FBXO16: variants seen among roughly 807,000 people sequenced by gnomAD.
FBXO16 encodes F-box only protein 16.
Under a neutral mutation model 41.0 loss-of-function variants are expected in FBXO16, and 31 were observed. The ratio of observed to expected loss-of-function variants is 0.76; its 90% CI spans 0.57 to 1.02. The LOEUF is 1.02. FBXO16 is among the 50% of genes least tolerant of loss of function. The pLI is 0.00. For synonymous variants in FBXO16, 133 were observed against 117.8 expected (o/e 1.13, Z -0.84); for missense variants, 361 against 346.2 (o/e 1.04, Z -0.34).
chr8:28,456,617 A>C, intron 5 of FBXO16, 149 bp downstream of exon 5: 3 of 903,774 alleles, frequency 3.3e-6, no homozygotes, highest in Non-Finnish European at 5.0e-6. Context: ...ACAACTATCA[A>C]GTCTCAGAAA....
chr8:28,464,263 C>T (rs1257599999), intron 3 of FBXO16, among the ~76,000 whole-genome samples: 2 of 152,294 alleles, frequency 1.3e-5, no homozygotes, highest in East Asian at 3.9e-4. Flanking sequence ...AAATATCCCT[C>T]AGAAGGAAAG....
intron 7 of FBXO16, among the ~76,000 whole-genome samples, chr8:28,445,708 T>C (rs1802852830): frequency 1.3e-5 from 2 of 152,216 alleles, no homozygotes; most frequent in African/African-American, 4.8e-5. Context: ...CCCTACAGAA[T>C]TCAGATGGCC....
intron 4 of FBXO16, among the ~76,000 whole-genome samples, chr8:28,460,767 G>A (rs1389861685): frequency 6.6e-6 from 1 of 151,932 alleles, no homozygotes; most frequent in Non-Finnish European, 1.5e-5. Flanking sequence ...ACAGGGTCTT[G>A]CTATGTTCCC....
At chr8:28,449,740 G>A (rs534596101) in intron 6 of FBXO16, among the ~76,000 whole-genome samples, 3 of 152,096 alleles carry the variant, frequency 2.0e-5, no homozygotes, top group African/African-American at 4.8e-5. Flanking sequence ...TTGGGAGGCT[G>A]AGGTGTGAGG....
chr8:28,452,424 T>C lies in FBXO16; in HGVS notation c.560A>G (p.Asn187Ser). The part of the protein sequence containing the change: ...VIADVQLVTS[N>S]SPEEKQSPLS... Reference sequence around the variant, plus strand: ...AGGGGACTGTTTTTCCTCTGGAGAATTGCTTGTAACTAGTTGAACGTCAGC... The same window carrying C: ...AGGGGACTGTTTTTCCTCTGGAGAACTGCTTGTAACTAGTTGAACGTCAGC... Residue 187 changes from asparagine to serine, a missense_variant, in exon 6 of 9, where the codon AAT (asparagine) becomes AGT (serine). Transcript: ENST00000380254. The C allele has an allele frequency of 1.2e-6, 2 of 1,614,210 alleles. No individual in the cohort carries two copies. The highest frequency in any genetic ancestry group is 1.7e-6 in the Non-Finnish European group (2 of 1,180,046).
intron 3 of FBXO16, 128 bp from the exon 4 acceptor site, chr8:28,463,946 C>T: frequency 2.2e-6 from 2 of 899,070 alleles, no homozygotes; most frequent in Non-Finnish European, 3.3e-6. Flanking sequence ...ATTTATTTCC[C>T]TAATCAGCAA....
chr8:28,442,807 G>A (rs544823841), intron 7 of FBXO16, among the ~76,000 whole-genome samples: 9 of 152,096 alleles, frequency 5.9e-5, no homozygotes, highest in Admixed American at 2.0e-4. Flanking sequence ...TCAAGGTGGC[G>A]GGTTTTGAAA....
intron 6 of FBXO16, among the ~76,000 whole-genome samples, chr8:28,449,980 G>GAAAAAAAAAAAAAAAAA (rs1278726556): frequency 1.2e-5 from 1 of 82,408 alleles, no homozygotes; most frequent in African/African-American, 4.3e-5. Context: ...AAAAAAAAAA[G>GAAAAAAAAAAAAAAAAA]AAAAAAAAAA....
chr8:28,482,623 T>A (rs1234335439), intron 2 of FBXO16, among the ~76,000 whole-genome samples: 3 of 151,988 alleles, frequency 2.0e-5, no homozygotes, highest in Non-Finnish European at 2.9e-5. Flanking sequence ...CAAGCGGGAG[T>A]GCAATGGTGT....
chr8:28,436,520 G>C (rs113970578), intron 7 of FBXO16, among the ~76,000 whole-genome samples: 1 of 152,064 alleles, frequency 6.6e-6, no homozygotes, highest in Non-Finnish European at 1.5e-5. Context: ...TAAGCAACTC[G>C]AGCCAGGGTT....
intron 3 of FBXO16, among the ~76,000 whole-genome samples, chr8:28,467,479 T>C (rs1215702605): frequency 1.3e-5 from 2 of 152,222 alleles, no homozygotes; most frequent in Non-Finnish European, 2.9e-5. Context: ...CAATAATATA[T>C]GTATAAAATT....
chr8:28,456,208 AAT>A (rs1195478694), intron 5 of FBXO16, among the ~76,000 whole-genome samples: 1 of 152,042 alleles, frequency 6.6e-6, no homozygotes, highest in African/African-American at 2.4e-5. Context: ...AGAAAAAAAA[AAT>A]TCTTGCATTA....
chr8:28,438,252 G>A (rs1211532691), intron 7 of FBXO16, among the ~76,000 whole-genome samples: 2 of 152,168 alleles, frequency 1.3e-5, no homozygotes, highest in East Asian at 3.9e-4. Context: ...AGAGGCAGAG[G>A]CTGCAGTGAC....
At chr8:28,439,837 C>T (rs1424670226) in intron 7 of FBXO16, among the ~76,000 whole-genome samples, 2 of 131,510 alleles carry the variant, frequency 1.5e-5, no homozygotes, top group African/African-American at 6.0e-5. Flanking sequence ...AGATTGCCTG[C>T]AAGGAAGCTT....
At chr8:28,484,801 G>A (rs185851691) in intron 1 of FBXO16, among the ~76,000 whole-genome samples, 120 of 152,224 alleles carry the variant, frequency 7.9e-4, no homozygotes, top group African/African-American at 2.6e-3. Context: ...CACCGTGTTA[G>A]CCAGGATGGT....
chr8:28,429,315 T>C lies in FBXO16; in HGVS notation c.869+63A>G, dbSNP rs1027385059. ...ATAATTTACACTCTCCATTAATCAATACATGCACACGATCTCTCTAAAAAG... is the reference window on the plus strand; with the variant it reads ...ATAATTTACACTCTCCATTAATCAACACATGCACACGATCTCTCTAAAAAG... On this transcript the variant is annotated intron_variant, in intron 8 of 8. Transcript: ENST00000380254. 7 of 1,560,998 alleles carry C rather than the reference T, an allele frequency of 4.5e-6. No homozygotes were observed. The Admixed American group carries it at 1.2e-4, about 26-fold the overall frequency.
chr8:28,481,461 A>G (rs999367147), intron 2 of FBXO16, among the ~76,000 whole-genome samples: 9 of 152,100 alleles, frequency 5.9e-5, no homozygotes, highest in Non-Finnish European at 1.3e-4. Flanking sequence ...GTTGGTAGAC[A>G]CTTCTCTGTG....
Position 28,428,548 on chromosome 8 carries a change from A to G in FBXO16, c.*179T>C, listed in dbSNP as rs1441759227. The G allele has an allele frequency of 2.6e-6, 4 of 1,544,448 alleles. No individual in the cohort carries two copies. The highest frequency in any genetic ancestry group is 3.5e-6 in the Non-Finnish European group (4 of 1,146,150). On this transcript the variant is annotated 3_prime_UTR_variant, in exon 9 of 9. Coordinates refer to ENST00000380254, the MANE Select transcript of FBXO16 (RefSeq NM_172366.4). Reference sequence around the variant, plus strand: ...AGCATCTTGTCATTTCTATAATAAAAGTCTTTCCATGTTCAGTCCACTTTG... The same window carrying G: ...AGCATCTTGTCATTTCTATAATAAAGGTCTTTCCATGTTCAGTCCACTTTG...
chr8:28,435,088 C>T (rs1458625089), intron 7 of FBXO16, among the ~76,000 whole-genome samples: 1 of 152,146 alleles, frequency 6.6e-6, no homozygotes, highest in Non-Finnish European at 1.5e-5. Context: ...CTTTTTGGTA[C>T]CCACACTTGG....
Sources: gnomAD v4.1 joint callset for allele counts (sites outside exome capture counted in the v4.1 genomes callset) on GRCh38, gnomAD v4.1.1 for gene constraint, MANE v1.5 for transcripts, NCBI Gene and HGNC (gene_info 2026-07-23, HGNC 2026-07-21) for gene names.